Variants in C9orf85 observed in about 807,000 individuals in gnomAD.
The protein encoded by C9orf85 is uncharacterized protein C9orf85.
In C9orf85, 16 loss-of-function variants were observed where a neutral mutation model predicts 14.9. The observed-to-expected ratio is 1.08, with a 90% CI of 0.73 to 1.63. The LOEUF (loss-of-function observed/expected upper bound fraction) is 1.63. C9orf85 is among the 40% of genes most tolerant of loss of function. The pLI is 0.00. For synonymous variants in C9orf85, 45 were observed against 56.8 expected (o/e 0.79, Z 0.93); for missense variants, 172 against 186.1 (o/e 0.92, Z 0.44).
In C9orf85 at chr9:71,914,727, G is replaced by A. The variant is rs376219122; in HGVS notation, c.102+2891G>A. 9.5e-4 allele frequency among the ~76,000 whole-genome samples: 144 copies of A among 152,254 alleles called. 1 individual carries two copies. Among genetic ancestry groups the A allele is most frequent in the African/African-American group, 2.7e-3 (114 of 41,560 alleles). ...TTCAAATGGCCAAACTTGGACCAGG[G>A]AATCAAAGTAACAAAAATAGGTTTC... On this transcript the variant is annotated intron_variant, in intron 1 of 3. Transcript: ENST00000334731.
At chr9:71,984,489 C>G (rs1242519255), downstream of C9orf85, 1 of 152,180 alleles carries the variant, frequency 6.6e-6, no homozygotes, top group Non-Finnish European at 1.5e-5. Context: ...TACAGATTCC[C>G]CAGCTCCACG....
chr9:71,980,079 T>C (rs1823070191), intron 3 of C9orf85, among the ~76,000 whole-genome samples: 1 of 150,586 alleles, frequency 6.6e-6, no homozygotes, highest in African/African-American at 2.4e-5. Context: ...AGTGGCACAA[T>C]CTCGGCTCAC....
At chr9:71,972,624 T>C in intron 3 of C9orf85, 68 bp from the exon 4 acceptor site, 2 of 1,234,282 alleles carry the variant, frequency 1.6e-6, no homozygotes, top group Non-Finnish European at 2.2e-6. Context: ...GGTAAAAGTC[T>C]TTTCAATCTA....
chr9:71,953,838 C>T (rs1407175989), intron 2 of C9orf85, among the ~76,000 whole-genome samples: 1 of 152,092 alleles, frequency 6.6e-6, no homozygotes, highest in Non-Finnish European at 1.5e-5. Context: ...GTCGCTCACA[C>T]CTGTAATCCC....
Position 71,972,863 on chromosome 9 carries a change from G to A in C9orf85, c.*21G>A. On this transcript the variant is annotated 3_prime_UTR_variant, in exon 4 of 4. Coordinates refer to ENST00000334731, the MANE Select transcript of C9orf85 (RefSeq NM_182505.5). ...ATTAATATCACTGTATTAAAAGTCT[G>A]CCGGGCACAGTGGCTCACGCCTGTA... 1 of 1,585,842 alleles carries A rather than the reference G, an allele frequency of 6.3e-7. No homozygotes were observed. Among genetic ancestry groups the A allele is most frequent in the African/African-American group, 1.4e-5 (1 of 73,984 alleles).
At chr9:71,934,281 G>A (rs1828137847) in intron 1 of C9orf85, among the ~76,000 whole-genome samples, 1 of 151,976 alleles carries the variant, frequency 6.6e-6, no homozygotes, top group Non-Finnish European at 1.5e-5. Context: ...CTCTAGCCTG[G>A]GCAACAGAGC....
intron 1 of C9orf85, among the ~76,000 whole-genome samples, chr9:71,939,810 ATACT>A (rs1412000409): frequency 1.3e-5 from 2 of 152,202 alleles, no homozygotes; most frequent in African/African-American, 4.8e-5. Flanking sequence ...GACCTTACAC[ATACT>A]TAATTTTTGA....
intron 1 of C9orf85, among the ~76,000 whole-genome samples, chr9:71,944,544 G>A (rs1294584184): frequency 6.6e-6 from 1 of 151,764 alleles, no homozygotes; most frequent in African/African-American, 2.4e-5. Flanking sequence ...AATTACCTAT[G>A]ATCTTCTACC....
intron 2 of C9orf85, among the ~76,000 whole-genome samples, chr9:71,960,454 A>G (rs992050379): frequency 1.3e-5 from 2 of 152,232 alleles, no homozygotes; most frequent in Non-Finnish European, 2.9e-5. Context: ...ATTAAATGAA[A>G]AGAAAACTAA....
Position 71,979,047 on chromosome 9 carries a change from G to A in C9orf85, c.324-3610G>A, listed in dbSNP as rs200212254. 3.1e-5 allele frequency among the ~76,000 whole-genome samples: 3 copies of A among 96,656 alleles called. No individual in the cohort carries two copies. The East Asian group carries it at 9.1e-4, about 29-fold the overall frequency. 63.4% of individuals were successfully genotyped at this position (96,656 alleles called of 152,430 possible). On this transcript the variant is annotated intron_variant, in intron 3 of 3. Coordinates refer to the C9orf85 transcript ENST00000377031. ...AGACTCCGTCTCAAGAAAAAAAAAT[G>A]TTTTTTTGCTTATTTAGTTGTATGT...
intron 1 of C9orf85, among the ~76,000 whole-genome samples, chr9:71,938,050 C>T (rs559877403): frequency 3.0e-3 from 449 of 152,166 alleles, no homozygotes; most frequent in Non-Finnish European, 5.2e-3. Context: ...ATGACTAGCT[C>T]ATTTTGTGAA....
At chr9:71,946,906 A>C (rs1822106446) in intron 1 of C9orf85, 100 bp from the exon 2 acceptor site, 2 of 665,212 alleles carry the variant, frequency 3.0e-6, no homozygotes, top group South Asian at 4.0e-5. Flanking sequence ...ATTAAGGTTC[A>C]GTTATATTTT....
chr9:71,932,197 T>TCAGTTTGTACACACTCAGTTTGTA (rs766802302), intron 1 of C9orf85, among the ~76,000 whole-genome samples: 164 of 152,066 alleles, frequency 1.1e-3, no homozygotes, highest in African/African-American at 3.0e-3. Context: ...GCACACACAC[T>TCAGTTTGTACACACTCAGTTTGTA]CAGTTTGTAC....
intron 1 of C9orf85, among the ~76,000 whole-genome samples, chr9:71,915,183 ATT>A (rs33998724): frequency 1.2e-4 from 17 of 142,810 alleles, no homozygotes; most frequent in African/African-American, 2.8e-4. Flanking sequence ...TATTATTATT[ATT>A]TTTTTTTTTT....
chr9:71,972,657 G>A (rs760373374), intron 3 of C9orf85, 35 bp from the exon 4 acceptor site: 1 of 1,469,468 alleles, frequency 6.8e-7, no homozygotes, highest in Non-Finnish European at 9.3e-7. Flanking sequence ...ATGATAGCCT[G>A]GGAAATAAAT....
At chr9:71,978,494 TA>T (rs1271726413) in intron 3 of C9orf85, among the ~76,000 whole-genome samples, 5 of 152,204 alleles carry the variant, frequency 3.3e-5, no homozygotes, top group Non-Finnish European at 5.9e-5. Flanking sequence ...TAGTTTTTTT[TA>T]CAGATACCTT....
intron 1 of C9orf85, among the ~76,000 whole-genome samples, chr9:71,943,533 CT>C (rs568631055): frequency 1.3e-5 from 2 of 151,222 alleles, no homozygotes; most frequent in East Asian, 1.9e-4. Context: ...CGCCCAGCTT[CT>C]TTTTTTTGTT....
At position 71,973,434 on chromosome 9, in the gene C9orf85, T is replaced by G. The variant is rs936229476; in HGVS notation, c.*592T>G. The stretch of plus-strand genomic sequence containing the variant: ...GGTAAGTGCCTTTTGATAAATGATC[T>G]CAAATAAATGACTCATAGCAAAAGC... On this transcript the variant is annotated 3_prime_UTR_variant, in exon 4 of 4. Coordinates refer to ENST00000334731, the MANE Select transcript of C9orf85 (RefSeq NM_182505.5). The G allele has an allele frequency of 2.6e-5, 4 of 152,188 alleles. No individual in the cohort carries two copies. Among genetic ancestry groups the G allele is most frequent in the Admixed American group, 2.6e-4 (4 of 15,280 alleles). 9.4% of individuals were successfully genotyped at this position (152,188 alleles called of 1,614,324 possible). A position where few individuals can be genotyped will look rare whatever the true frequency, so the allele number is the denominator to read the frequency against.
chr9:71,973,908 T>A (rs1822955056), downstream of C9orf85, among the ~76,000 whole-genome samples: 1 of 150,780 alleles, frequency 6.6e-6, no homozygotes, highest in East Asian at 1.9e-4. Context: ...TTATTTTATT[T>A]CTTTAATTTT....
Sources: allele counts gnomAD v4.1 joint callset (sites outside exome capture counted in the v4.1 genomes callset), GRCh38; gene constraint gnomAD v4.1.1; transcripts MANE v1.5; gene names NCBI Gene and HGNC (gene_info 2026-07-23, HGNC 2026-07-21).